CPA6: variants seen among roughly 807,000 people sequenced by gnomAD.
CPA6 encodes the protein carboxypeptidase A6, also known as carboxypeptidase B.
A neutral mutation model predicts 63.3 loss-of-function variants in CPA6; 58 were observed. The observed-to-expected ratio is 0.92, with a 90% CI of 0.74 to 1.14. The LOEUF (loss-of-function observed/expected upper bound fraction) is 1.14. Ranked by LOEUF, CPA6 falls within the 50% of genes most tolerant of loss-of-function variation. The pLI is 0.00. For missense variants in CPA6, 565 were observed against 526.6 expected (o/e 1.07, Z -0.71); for synonymous variants, 185 against 179.0 (o/e 1.03, Z -0.27).
chr8:67,519,923 T>A (rs1208177912), intron 2 of CPA6, among the ~76,000 whole-genome samples: 1 of 152,136 alleles, frequency 6.6e-6, no homozygotes, highest in Non-Finnish European at 1.5e-5. Context: ...CTTTTTCTAT[T>A]TTTTTATTTA....
rs1563976164 is a variant in CPA6 at position 67,496,544 on chromosome 8, TATATATA to T, written c.636+10236_636+10242del. ...TTATATATATATATATATATATATA[TATATATA>T]TATATATTTATTTTATTTTTTTTTT... On this transcript the variant is annotated intron_variant, in intron 6 of 10. Transcript: ENST00000297770. Among the ~76,000 whole-genome samples the T allele has an allele frequency of 2.4e-3, 341 of 140,024 alleles. 6 individuals are homozygous for T. The highest frequency in any genetic ancestry group is 8.4e-3 in the African/African-American group (311 of 36,886). 91.9% of individuals were successfully genotyped at this position (140,024 alleles called of 152,430 possible). A position where few individuals can be genotyped will look rare whatever the true frequency, so the allele number is the denominator to read the frequency against.
At chr8:67,559,952 G>A (rs534577703) in intron 2 of CPA6, among the ~76,000 whole-genome samples, 2 of 151,796 alleles carry the variant, frequency 1.3e-5, no homozygotes, top group African/African-American at 4.8e-5. Flanking sequence ...ACCATGTAAG[G>A]ACACAGTGGG....
At chr8:67,477,107 G>A (rs959368022) in intron 8 of CPA6, among the ~76,000 whole-genome samples, 1 of 151,772 alleles carries the variant, frequency 6.6e-6, no homozygotes, top group Non-Finnish European at 1.5e-5. Flanking sequence ...TGGCTAACAC[G>A]GTGAAACCCC....
intron 2 of CPA6, 44 bp from the exon 3 acceptor site, chr8:67,518,091 G>T: frequency 1.3e-6 from 2 of 1,485,544 alleles, no homozygotes; most frequent in South Asian, 1.5e-5. Flanking sequence ...CAACGTAGGG[G>T]GGGAAAATCT....
intron 6 of CPA6, among the ~76,000 whole-genome samples, chr8:67,488,561 T>A (rs1468967842): frequency 6.6e-6 from 1 of 152,210 alleles, no homozygotes; most frequent in Non-Finnish European, 1.5e-5. Flanking sequence ...CATATGAACT[T>A]CAAAGTAGTT....
chr8:67,702,967 T>C (rs577386010), intron 1 of CPA6, among the ~76,000 whole-genome samples: 2 of 152,264 alleles, frequency 1.3e-5, no homozygotes, highest in African/African-American at 4.8e-5. Context: ...TCACTCCTAC[T>C]CCAAAACCTG....
At position 67,630,416 on chromosome 8, in the gene CPA6, C is replaced by T. The variant is rs1445487742; in HGVS notation, c.117-6165G>A. Reference sequence around the variant, plus strand: ...ATGGGGAGAACATGCCAACTCCTCACAGACAGTGGCCCTGGTGGGAATTGA... The same window carrying T: ...ATGGGGAGAACATGCCAACTCCTCATAGACAGTGGCCCTGGTGGGAATTGA... On this transcript the variant is annotated intron_variant, in intron 1 of 10. Coordinates refer to ENST00000297770, the MANE Select transcript of CPA6 (RefSeq NM_020361.5). Among the ~76,000 whole-genome samples, 7 of 152,196 alleles carry T rather than the reference C, an allele frequency of 4.6e-5. No individual in the cohort carries two copies. In the East Asian group the frequency reaches 1.4e-3, roughly 29 times the overall value.
At chr8:67,437,905 C>T (rs1810197518) in intron 8 of CPA6, among the ~76,000 whole-genome samples, 1 of 139,774 alleles carries the variant, frequency 7.2e-6, no homozygotes, top group South Asian at 2.1e-4. Flanking sequence ...AAAATTTCTC[C>T]ACAATTCTTT....
intron 2 of CPA6, among the ~76,000 whole-genome samples, chr8:67,561,218 T>C (rs369160531): frequency 6.6e-6 from 1 of 152,138 alleles, no homozygotes; most frequent in East Asian, 1.9e-4. Flanking sequence ...AAAAAACTGG[T>C]TCCAGGAACT....
At chr8:67,553,580 C>T (rs1421035620) in intron 2 of CPA6, among the ~76,000 whole-genome samples, 3 of 152,078 alleles carry the variant, frequency 2.0e-5, no homozygotes, top group Non-Finnish European at 4.4e-5. Context: ...GATATCAATT[C>T]CTCACAGCCA....
intron 2 of CPA6, among the ~76,000 whole-genome samples, chr8:67,574,956 C>T (rs1414081206): frequency 2.0e-5 from 3 of 151,808 alleles, no homozygotes; most frequent in African/African-American, 4.8e-5. Flanking sequence ...ACACAGACTA[C>T]AGATTGGGAG....
chr8:67,697,316 G>A (rs994696873), intron 1 of CPA6, among the ~76,000 whole-genome samples: 1 of 152,178 alleles, frequency 6.6e-6, no homozygotes, highest in Non-Finnish European at 1.5e-5. Flanking sequence ...TACAAATGCT[G>A]TCTAGAGACT....
chr8:67,689,653 A>G (rs1330066885), intron 1 of CPA6, among the ~76,000 whole-genome samples: 1 of 152,138 alleles, frequency 6.6e-6, no homozygotes, highest in Non-Finnish European at 1.5e-5. Context: ...TATGTACCAC[A>G]TTTTCTTTAT....
intron 1 of CPA6, among the ~76,000 whole-genome samples, chr8:67,741,053 A>C (rs935815027): frequency 6.6e-6 from 1 of 152,148 alleles, no homozygotes; most frequent in African/African-American, 2.4e-5. Context: ...AGCCCTGCTC[A>C]TACCTATGGT....
At chr8:67,704,438 C>G (rs895337173) in intron 1 of CPA6, among the ~76,000 whole-genome samples, 13 of 152,198 alleles carry the variant, frequency 8.5e-5, no homozygotes, top group Admixed American at 3.9e-4. Context: ...CTAAAATGCT[C>G]TGAATGAGAG....
intron 2 of CPA6, among the ~76,000 whole-genome samples, chr8:67,555,412 G>C (rs1447186434): frequency 6.6e-6 from 1 of 152,174 alleles, no homozygotes; most frequent in Non-Finnish European, 1.5e-5. Flanking sequence ...GGGGAGCTTA[G>C]AGTTGATGAA....
At chr8:67,734,481 C>G (rs991175407) in intron 1 of CPA6, among the ~76,000 whole-genome samples, 56 of 151,110 alleles carry the variant, frequency 3.7e-4, no homozygotes, top group Admixed American at 2.8e-3. Flanking sequence ...AGATTTCTGT[C>G]AGATATTACA....
intron 6 of CPA6, among the ~76,000 whole-genome samples, chr8:67,500,838 T>C (rs963516812): frequency 4.6e-5 from 7 of 151,912 alleles, no homozygotes; most frequent in African/African-American, 1.7e-4. Context: ...CTCCTTTGAA[T>C]TGGTTTTGCA....
chr8:67,657,068 T>C (rs993562047), intron 1 of CPA6, among the ~76,000 whole-genome samples: 2 of 152,206 alleles, frequency 1.3e-5, no homozygotes, highest in African/African-American at 4.8e-5. Context: ...AAACACATGG[T>C]GTCTCCGGAT....
Sources: allele counts gnomAD v4.1 joint callset (sites outside exome capture counted in the v4.1 genomes callset), GRCh38; gene constraint gnomAD v4.1.1; transcripts MANE v1.5; gene names NCBI Gene and HGNC (gene_info 2026-07-23, HGNC 2026-07-21).